SRPX: variants seen among roughly 807,000 people sequenced by gnomAD.
SRPX encodes sushi repeat-containing protein SRPX.
A neutral mutation model predicts 38.1 loss-of-function variants in SRPX; 24 were observed. The observed-to-expected ratio is 0.63, with a 90% CI of 0.46 to 0.89. The LOEUF (loss-of-function observed/expected upper bound fraction) is 0.89. SRPX is among the 40% of genes least tolerant of loss of function. SRPX has a pLI of 0.00. For missense variants in SRPX, 416 were observed against 377.8 expected, an observed-to-expected ratio of 1.10 and a Z score of -0.84; for synonymous variants, 184 against 153.8, an observed-to-expected ratio of 1.20 and a Z score of -1.45.
intron 1 of SRPX, among the ~76,000 whole-genome samples, chrX:38,190,844 T>C (rs1053323527): frequency 9.0e-5 from 10 of 111,607 alleles, no homozygotes; most frequent in Non-Finnish European, 3.8e-5. Flanking sequence ...TCCTCATACC[T>C]ATGTGGTTCT....
intron 7 of SRPX, among the ~76,000 whole-genome samples, chrX:38,157,950 G>A (rs376584890): frequency 1.2e-4 from 13 of 112,492 alleles, no homozygotes; most frequent in South Asian, 1.1e-3. Flanking sequence ...CTGGCTCTGT[G>A]CATGGGCTGA....
intron 5 of SRPX, among the ~76,000 whole-genome samples, chrX:38,163,118 A>G (rs1331034055): frequency 8.9e-6 from 1 of 112,600 alleles, no homozygotes; most frequent in Non-Finnish European, 1.9e-5. Flanking sequence ...CATTTTCTCC[A>G]AAGGAATTTG....
chrX:38,203,674 G>A (rs1049231646), intron 1 of SRPX, among the ~76,000 whole-genome samples: 6 of 112,262 alleles, frequency 5.3e-5, no homozygotes, highest in African/African-American at 1.9e-4. Flanking sequence ...AGCTACTCAG[G>A]AGGCTGAGGT....
intron 1 of SRPX, among the ~76,000 whole-genome samples, chrX:38,215,375 A>G (rs1280048961): frequency 9.0e-6 from 1 of 111,563 alleles, no homozygotes; most frequent in Non-Finnish European, 1.9e-5. Context: ...GCTACCAATT[A>G]TCATCTGGAA....
At chrX:38,158,364 C>T (rs1938171818) in intron 7 of SRPX, among the ~76,000 whole-genome samples, 3 of 112,071 alleles carry the variant, frequency 2.7e-5, no homozygotes, top group African/African-American at 9.7e-5. Flanking sequence ...AGGCTTAGCC[C>T]CAGAGAAGAA....
chrX:38,164,115 T>C (rs1938316013), intron 5 of SRPX, among the ~76,000 whole-genome samples: 1 of 104,116 alleles, frequency 9.6e-6, no homozygotes, highest in Non-Finnish European at 2.0e-5. Context: ...ATATGGTAGG[T>C]ATATATATTT....
At chrX:38,209,005 T>A (rs1205434998) in intron 1 of SRPX, among the ~76,000 whole-genome samples, 2 of 107,624 alleles carry the variant, frequency 1.9e-5, no homozygotes, top group South Asian at 4.2e-4. Context: ...TATATATTTT[T>A]TTTTTGCAAA....
intron 2 of SRPX, among the ~76,000 whole-genome samples, chrX:38,176,677 C>A (rs1187617614): frequency 9.0e-6 from 1 of 111,362 alleles, no homozygotes; most frequent in Non-Finnish European, 1.9e-5. Context: ...CCTGTAGTCC[C>A]AGCTACCTGG....
chrX:38,177,138 G>GA (rs1275649265), intron 2 of SRPX, among the ~76,000 whole-genome samples: 18 of 109,700 alleles, frequency 1.6e-4, no homozygotes, highest in African/African-American at 5.6e-4. Context: ...GGGACTCAAA[G>GA]AAAAAAAAAT....
intron 1 of SRPX, among the ~76,000 whole-genome samples, chrX:38,205,026 C>T: frequency 9.0e-6 from 1 of 111,415 alleles, no homozygotes; most frequent in Non-Finnish European, 1.9e-5. Context: ...CACCCACGTC[C>T]ACTTGAGCTT....
At chrX:38,185,841 C>T (rs1303808076) in intron 1 of SRPX, among the ~76,000 whole-genome samples, 1 of 98,033 alleles carries the variant, frequency 1.0e-5, no homozygotes, top group Non-Finnish European at 2.0e-5. Flanking sequence ...TGTCAGAAAG[C>T]AGGCTCAGTG....
chrX:38,203,744 A>G (rs1199074509), intron 1 of SRPX, among the ~76,000 whole-genome samples: 1 of 112,317 alleles, frequency 8.9e-6, no homozygotes, highest in Non-Finnish European at 1.9e-5. Context: ...GTGCCACTGC[A>G]TTCCAGCCTG....
At chrX:38,176,099 G>C (rs1013994671) in intron 2 of SRPX, among the ~76,000 whole-genome samples, 1 of 111,124 alleles carries the variant, frequency 9.0e-6, no homozygotes, top group African/African-American at 3.3e-5. Context: ...TAATAATATA[G>C]AACAATTATA....
At chrX:38,169,702 C>T (rs147783193) in intron 4 of SRPX, among the ~76,000 whole-genome samples, 1,123 of 111,227 alleles carry the variant, frequency 0.01, 6 homozygotes, top group Middle Eastern at 0.046. Context: ...TTTCATTGTC[C>T]GTGGTTTTTA....
chrX:38,181,146 T>G (rs1938664460), intron 1 of SRPX, among the ~76,000 whole-genome samples: 1 of 112,313 alleles, frequency 8.9e-6, no homozygotes, highest in Non-Finnish European at 1.9e-5. Flanking sequence ...TTCTAAGGCC[T>G]TTAGAGCAAG....
At position 38,153,282 on chromosome X, in the gene SRPX, T is replaced by TTTTC. The variant is rs1194185617; in HGVS notation, c.1211+1176_1211+1179dup. On this transcript the variant is annotated intron_variant, in intron 9 of 9. Coordinates refer to ENST00000378533, the MANE Select transcript of SRPX (RefSeq NM_006307.5). Reference sequence around the variant, plus strand: ...TTCTTCCATCCTGGCCCTCTGAGTTTTTTCTTTCTTTCTTTCTTTCTTTTT... The same window carrying TTTTC: ...TTCTTCCATCCTGGCCCTCTGAGTTTTTTCTTTCTTTCTTTCTTTCTTTCTTTTT... 1.3e-4 allele frequency among the ~76,000 whole-genome samples: 14 copies of TTTTC among 103,790 alleles called. No homozygotes were observed. In the East Asian group the frequency reaches 2.9e-3, roughly 21 times the overall value. 90.1% of individuals were successfully genotyped at this position (103,790 alleles called of 115,157 possible). A position where few individuals can be genotyped will look rare whatever the true frequency, so the allele number is the denominator to read the frequency against.
chrX:38,208,624 C>T (rs1419554429), intron 1 of SRPX, among the ~76,000 whole-genome samples: 1 of 111,106 alleles, frequency 9.0e-6, no homozygotes, highest in Non-Finnish European at 1.9e-5. Context: ...AAGGGTGGGC[C>T]TGCTTTCAAC....
intron 7 of SRPX, among the ~76,000 whole-genome samples, chrX:38,159,331 A>G (rs1264612403): frequency 8.9e-6 from 1 of 112,489 alleles, no homozygotes; most frequent in Admixed American, 9.4e-5. Flanking sequence ...TGGGGGCTTC[A>G]ATTAAAAGAA....
At chrX:38,152,425 C>T (rs1236104820) in intron 9 of SRPX, among the ~76,000 whole-genome samples, 1 of 112,106 alleles carries the variant, frequency 8.9e-6, no homozygotes, top group Non-Finnish European at 1.9e-5. Context: ...AAAACTAGGC[C>T]AGTGGTCCTC....
Sources: allele counts gnomAD v4.1 joint callset (sites outside exome capture counted in the v4.1 genomes callset), GRCh38; gene constraint gnomAD v4.1.1; transcripts MANE v1.5; gene names NCBI Gene and HGNC (gene_info 2026-07-23, HGNC 2026-07-21).